The following UBE2E2 variants were observed in gnomAD, a reference collection of about 807,000 sequenced individuals.
UBE2E2 encodes the protein ubiquitin conjugating enzyme E2 E2, also known as ubiquitin-conjugating enzyme E2 E2.
In UBE2E2, 6 loss-of-function variants were observed where a neutral mutation model predicts 24.7. The ratio of observed to expected loss-of-function variants is 0.24; its 90% CI spans 0.13 to 0.48. The LOEUF (loss-of-function observed/expected upper bound fraction) is 0.48, where lower values mean the gene tolerates loss of function less well. Among genes scored for constraint, UBE2E2 ranks in the 20% least tolerant of loss-of-function variants. UBE2E2 has a pLI of 0.99. For missense variants in UBE2E2, 169 were observed against 245.0 expected (o/e 0.69, Z 2.07); for synonymous variants, 104 against 83.6 (o/e 1.24, Z -1.33).
intron 3 of UBE2E2, among the ~76,000 whole-genome samples, chr3:23,334,128 CAT>C (rs1695141683): frequency 6.6e-6 from 1 of 152,102 alleles, no homozygotes; most frequent in African/African-American, 2.4e-5. Flanking sequence ...AGTAACAAGA[CAT>C]ATTTTATTAG....
chr3:23,313,154 TTCTG>T (rs1292338192), intron 3 of UBE2E2, among the ~76,000 whole-genome samples: 1 of 152,160 alleles, frequency 6.6e-6, no homozygotes, highest in African/African-American at 2.4e-5. Flanking sequence ...TTTGTTGATT[TTCTG>T]TCTGGATGAT....
At chr3:23,534,431 T>G (rs1461649494) in intron 5 of UBE2E2, among the ~76,000 whole-genome samples, 1 of 152,002 alleles carries the variant, frequency 6.6e-6, no homozygotes, top group Non-Finnish European at 1.5e-5. Flanking sequence ...AAGAAATAGA[T>G]TTTGAAATAA....
intron 3 of UBE2E2, among the ~76,000 whole-genome samples, chr3:23,386,914 A>G (rs966038784): frequency 1.3e-5 from 2 of 152,208 alleles, no homozygotes; most frequent in East Asian, 1.9e-4. Context: ...AGAAAATACA[A>G]TTCCTGTTAA....
At chr3:23,284,010 A>G (rs1220890073) in intron 3 of UBE2E2, among the ~76,000 whole-genome samples, 1 of 152,228 alleles carries the variant, frequency 6.6e-6, no homozygotes, top group Non-Finnish European at 1.5e-5. Flanking sequence ...GTTTTCCTAC[A>G]TAGAGCAATT....
chr3:23,406,024 G>T (rs1697348277), intron 3 of UBE2E2, among the ~76,000 whole-genome samples: 1 of 152,174 alleles, frequency 6.6e-6, no homozygotes, highest in African/African-American at 2.4e-5. Context: ...CTTCTCAGTT[G>T]TGAAGAATAT....
chr3:23,485,296 G>C (rs1487266828), intron 3 of UBE2E2, among the ~76,000 whole-genome samples: 1 of 151,848 alleles, frequency 6.6e-6, no homozygotes, highest in Non-Finnish European at 1.5e-5. Context: ...AGGTTTCACT[G>C]TGTTGGCCAG....
chr3:23,404,110 T>C (rs1697296431), intron 3 of UBE2E2, among the ~76,000 whole-genome samples: 3 of 152,168 alleles, frequency 2.0e-5, no homozygotes, highest in Admixed American at 2.0e-4. Flanking sequence ...TTGACATTGC[T>C]TTCTAAGAGA....
intron 3 of UBE2E2, among the ~76,000 whole-genome samples, chr3:23,404,805 C>T (rs1429330827): frequency 6.6e-6 from 1 of 152,174 alleles, no homozygotes; most frequent in Non-Finnish European, 1.5e-5. Flanking sequence ...CCTATGGCAA[C>T]AGGCAGAGAG....
rs755558670 is a variant in UBE2E2, at chr3:23,532,679, A to G, written c.486A>G (p.Ser162=). Residue 162 remains serine, a synonymous_variant, in exon 5 of 6, where the codon TCA becomes TCG. Transcript: ENST00000396703. ...TISKVLLSIC[S]LLTDCNPADP... ...CTAAAGTTCTCCTCTCCATCTGCTC[A>G]CTTCTTACAGATTGCAACCCTGGTA... 1.3e-6 allele frequency: 2 copies of G among 1,552,710 alleles called. No individual in the cohort carries two copies. Among genetic ancestry groups the G allele is most frequent in the South Asian group, 1.2e-5 (1 of 80,868 alleles).
intron 3 of UBE2E2, among the ~76,000 whole-genome samples, chr3:23,237,950 T>C (rs13095887): frequency 0.27 from 41,555 of 152,012 alleles, 6,119 homozygotes; most frequent in Non-Finnish European, 0.33. Context: ...TTTTTTTTAG[T>C]GTTTTCCGCT....
At chr3:23,397,296 A>G (rs377425602) in intron 3 of UBE2E2, among the ~76,000 whole-genome samples, 52 of 152,364 alleles carry the variant, frequency 3.4e-4, no homozygotes, top group African/African-American at 1.1e-3. Flanking sequence ...AAAAAAGTCA[A>G]TTCAGATTGT....
intron 3 of UBE2E2, among the ~76,000 whole-genome samples, chr3:23,306,590 T>G (rs1422423402): frequency 6.6e-6 from 1 of 152,210 alleles, no homozygotes; most frequent in Admixed American, 6.5e-5. Flanking sequence ...TCCTTTTGTT[T>G]ATACTGCAAA....
At chr3:23,507,882 G>A (rs193147079) in intron 4 of UBE2E2, among the ~76,000 whole-genome samples, 13 of 152,286 alleles carry the variant, frequency 8.5e-5, no homozygotes, top group African/African-American at 2.9e-4. Flanking sequence ...TCCTCTTTCC[G>A]AAGACACTGG....
At chr3:23,245,193 A>C (rs13083654) in intron 3 of UBE2E2, among the ~76,000 whole-genome samples, 16,146 of 152,184 alleles carry the variant, frequency 0.11, 981 homozygotes, top group East Asian at 0.13. Flanking sequence ...GGAGGGTCAT[A>C]GGAAAAAACT....
chr3:23,508,763 A>C (rs1231926002), intron 4 of UBE2E2, among the ~76,000 whole-genome samples: 1 of 152,198 alleles, frequency 6.6e-6, no homozygotes, highest in African/African-American at 2.4e-5. Flanking sequence ...GTGTTGGTTG[A>C]TATTACTGTC....
At chr3:23,273,612 G>T (rs1211030268) in intron 3 of UBE2E2, among the ~76,000 whole-genome samples, 1 of 151,912 alleles carries the variant, frequency 6.6e-6, no homozygotes, top group Non-Finnish European at 1.5e-5. Context: ...AAAAAAAATT[G>T]GTTTCATTAT....
chr3:23,479,844 G>A (rs1699218796), intron 3 of UBE2E2, among the ~76,000 whole-genome samples: 1 of 152,174 alleles, frequency 6.6e-6, no homozygotes, highest in Admixed American at 6.5e-5. Flanking sequence ...GCTGAGTCTG[G>A]GGTTTTTATG....
intron 3 of UBE2E2, among the ~76,000 whole-genome samples, chr3:23,353,629 A>G (rs1412735080): frequency 2.6e-5 from 4 of 152,192 alleles, no homozygotes; most frequent in Non-Finnish European, 5.9e-5. Context: ...GTGAACTCCC[A>G]TTCACAGTTG....
At chr3:23,451,255 A>C (rs1440502437) in intron 3 of UBE2E2, among the ~76,000 whole-genome samples, 1 of 152,192 alleles carries the variant, frequency 6.6e-6, no homozygotes, top group Non-Finnish European at 1.5e-5. Flanking sequence ...AAAATTGCTC[A>C]TGTCAAATTT....
Sources: allele counts gnomAD v4.1 joint callset (sites outside exome capture counted in the v4.1 genomes callset), GRCh38; gene constraint gnomAD v4.1.1; transcripts MANE v1.5; gene names NCBI Gene and HGNC (gene_info 2026-07-23, HGNC 2026-07-21).